The following NDUFS7 variants were observed in gnomAD, a reference collection of about 807,000 sequenced individuals.
The protein encoded by NDUFS7 is NADH:ubiquinone oxidoreductase core subunit S7.
In NDUFS7, 11 loss-of-function variants were observed where a neutral mutation model predicts 31.1. The ratio of observed to expected loss-of-function variants is 0.35; its 90% confidence interval spans 0.22 to 0.59. The LOEUF is 0.59. NDUFS7 is among the 20% of genes least tolerant of loss of function. NDUFS7 has a pLI of 0.79. For synonymous variants in NDUFS7, 136 were observed against 127.9 expected (o/e 1.06, Z -0.43); for missense variants, 263 against 324.2 (o/e 0.81, Z 1.45).
At position 1,395,154 on chromosome 19, in the gene NDUFS7, G is replaced by A. The variant is rs974497524; in HGVS notation, c.545-237G>A. ...GTCCGAGAGGTCCCTGTGACAGCCC[G>A]GGATGAGCCACGGGTGGAGGGCAGT... On this transcript the variant is annotated intron_variant, in intron 7 of 7. Coordinates refer to ENST00000233627, the MANE Select transcript of NDUFS7 (RefSeq NM_024407.5). The A allele has an allele frequency of 7.1e-6, 10 of 1,409,392 alleles. No individual in the cohort carries two copies. In the Admixed American group the frequency reaches 8.8e-5, roughly 12 times the overall value. 87.3% of individuals were successfully genotyped at this position (1,409,392 alleles called of 1,614,324 possible).
intron 1 of NDUFS7, among the ~76,000 whole-genome samples, chr19:1,385,959 G>A (rs991213273): frequency 6.6e-6 from 1 of 152,220 alleles, no homozygotes; most frequent in African/African-American, 2.4e-5. Flanking sequence ...GACACCTGGA[G>A]TGGGGCAGCT....
intron 6 of NDUFS7, among the ~76,000 whole-genome samples, chr19:1,391,486 CTTTTTTT>C (rs11287297): frequency 8.1e-6 from 1 of 122,708 alleles, no homozygotes; most frequent in Non-Finnish European, 1.7e-5. Flanking sequence ...AGTTTTTTTT[CTTTTTTT>C]TTTTTTTTTT....
In NDUFS7 at chr19:1,393,453, G is replaced by C; in HGVS notation, c.544+123G>C. ...AGACGGCGGGCTCCCCCATCCTATGGATGGGCCGACTCGGAGCGCTGCCTC... is the reference window on the plus strand; with the variant it reads ...AGACGGCGGGCTCCCCCATCCTATGCATGGGCCGACTCGGAGCGCTGCCTC... On this transcript the variant is annotated intron_variant, in intron 7 of 7. Coordinates refer to ENST00000233627, the MANE Select transcript of NDUFS7 (RefSeq NM_024407.5). The surrounding 1 kb of genome is among the most constrained non-coding windows in gnomAD (Gnocchi z 7.3). 3 of 800,956 alleles carry C rather than the reference G, an allele frequency of 3.7e-6. No homozygotes were observed. The highest frequency in any genetic ancestry group is 6.3e-6 in the Non-Finnish European group (3 of 476,316). 49.6% of individuals were successfully genotyped at this position (800,956 alleles called of 1,614,324 possible). A position where few individuals can be genotyped will look rare whatever the true frequency, so the allele number is the denominator to read the frequency against.
rs112547983 is a variant in NDUFS7 at position 1,389,007 on chromosome 19, T to C, written c.228+69T>C. 74 of 1,286,066 alleles carry C rather than the reference T, an allele frequency of 5.8e-5. 2 individuals are homozygous for C. Among genetic ancestry groups the C allele is most frequent in the African/African-American group, 5.4e-4 (37 of 68,406 alleles). The allele number at this position is 1,286,066 out of a possible 1,614,324, so 79.7% of individuals were successfully genotyped here. On this transcript the variant is annotated intron_variant, in intron 4 of 7. Coordinates refer to ENST00000233627, the MANE Select transcript of NDUFS7 (RefSeq NM_024407.5). ...CTCTGCACACTCACAGGCACACACATACACACACCAACGTGCAGACACGTA... is the reference window on the plus strand; with the variant it reads ...CTCTGCACACTCACAGGCACACACACACACACACCAACGTGCAGACACGTA...
Position 1,395,402 on chromosome 19 carries a change from A to G in NDUFS7, c.556A>G (p.Thr186Ala), listed in dbSNP as rs1019725844. The change falls in exon 8 of 8, where the codon ACG becomes GCG. Residue 186 changes from threonine to alanine, a missense_variant. Transcript: ENST00000233627. ...CAAGGTCCCTGCAGGCTGCCCACCT[A>G]CGGCCGAGGCCCTGCTCTACGGCAT... is the stretch of plus-strand genomic sequence containing the variant. Reference protein sequence around the residue: ...VDIYIPGCPPTAEALLYGILQ... With the variant: ...VDIYIPGCPPAAEALLYGILQ... The G allele has an allele frequency of 8.1e-6, 13 of 1,600,768 alleles. No individual in the cohort carries two copies. Among genetic ancestry groups the G allele is most frequent in the African/African-American group, 1.3e-5 (1 of 74,888 alleles).
intron 1 of NDUFS7, chr19:1,386,403 G>A (rs2144608206): frequency 6.6e-6 from 1 of 152,396 alleles, no homozygotes; most frequent in South Asian, 2.1e-4. Flanking sequence ...TCTTTCCTCT[G>A]TACATGTTTG....
intron 7 of NDUFS7, chr19:1,394,578 G>GCGCTCCGCCCTCCCTGCA: frequency 8.1e-7 from 1 of 1,229,414 alleles, no homozygotes; most frequent in South Asian, 1.3e-5. Context: ...CCCTCCCTGC[G>GCGCTCCGCCCTCCCTGCA]GACCGCGCTC....
chr19:1,387,130 C>CCGTATCATTAAAAA, intron 1 of NDUFS7: 6 of 154,504 alleles, frequency 3.9e-5, no homozygotes, highest in Non-Finnish European at 7.2e-5. Context: ...TTGACGTGGG[C>CCGTATCATTAAAAA]AGCGCCCTCC....
rs759056901 is a variant in NDUFS7, at chr19:1,388,603, G to A, written c.122+10G>A. 2 of 1,611,374 alleles carry A rather than the reference G, an allele frequency of 1.2e-6. No individual in the cohort carries two copies. The highest frequency in any genetic ancestry group is 1.1e-5 in the South Asian group (1 of 90,912). On this transcript the variant is annotated intron_variant, in intron 3 of 7. Coordinates refer to ENST00000233627, the MANE Select transcript of NDUFS7 (RefSeq NM_024407.5). ...CCGATGGCCCAAGCAGGTGAAGCTG[G>A]CCTTCTGGGGGAGGTCGTACCCCCT... is the stretch of plus-strand genomic sequence containing the variant.
At position 1,393,165 on chromosome 19, in the gene NDUFS7, G is replaced by GA. The variant is rs2082568740; in HGVS notation, c.456-76dup. 1 of 1,207,870 alleles carries GA rather than the reference G, an allele frequency of 8.3e-7. No homozygotes were observed. The highest frequency in any genetic ancestry group is 1.3e-5 in the South Asian group (1 of 76,582). The allele number at this position is 1,207,870 out of a possible 1,614,324, so 74.8% of individuals were successfully genotyped here. On this transcript the variant is annotated intron_variant, in intron 6 of 7. Coordinates refer to ENST00000233627, the MANE Select transcript of NDUFS7 (RefSeq NM_024407.5). This position sits in a 1 kb window ranked among gnomAD's most constrained non-coding sequence, Gnocchi z 7.3. ...TGGCCTGCAGTTGAAGGCGGGTGGG[G>GA]ATGGGGCGAGGCCTCGTGGAGGGAG...
intron 4 of NDUFS7, chr19:1,389,554 T>C (rs1413668211): frequency 2.2e-5 from 10 of 455,062 alleles, no homozygotes; most frequent in Non-Finnish European, 4.0e-5. Flanking sequence ...GGCGTCCGTG[T>C]GTTCCTCTTG....
At chr19:1,395,342 C>G (rs769925327) in intron 7 of NDUFS7, 49 bp from the exon 8 acceptor site, 25 of 1,570,450 alleles carry the variant, frequency 1.6e-5, no homozygotes, top group Non-Finnish European at 2.2e-5. Flanking sequence ...TGCACGCGGT[C>G]ACGCGGGCTC....
intron 1 of NDUFS7, 98 bp from the exon 2 acceptor site, chr19:1,387,713 T>A (rs1012812252): frequency 1.8e-6 from 2 of 1,106,924 alleles, no homozygotes; most frequent in Non-Finnish European, 2.7e-6. Context: ...GGATCAGAGC[T>A]AGGCTGTGCG....
intron 1 of NDUFS7, 77 bp from the exon 2 acceptor site, chr19:1,387,734 T>C: frequency 7.3e-7 from 1 of 1,378,250 alleles, no homozygotes; most frequent in Non-Finnish European, 1.0e-6. Flanking sequence ...GGCAGGAGCC[T>C]GATGGGGAAG....
At chr19:1,394,538 C>A (rs867105897) in intron 7 of NDUFS7, 5 of 1,234,774 alleles carry the variant, frequency 4.0e-6, no homozygotes, top group Non-Finnish European at 5.2e-6. Flanking sequence ...CTGCGGACCG[C>A]GCTCCTCCCT....
At chr19:1,389,743 TGCGACA>T in intron 4 of NDUFS7, 1 of 345,530 alleles carries the variant, frequency 2.9e-6, no homozygotes, top group South Asian at 2.2e-5. Flanking sequence ...CGGCACTTGC[TGCGACA>T]GCCCGGGTTC....
At chr19:1,389,525 T>C (rs1048179741) in intron 4 of NDUFS7, 6 of 457,108 alleles carry the variant, frequency 1.3e-5, no homozygotes. Flanking sequence ...GACCCCTCCG[T>C]TTCCGTCATT....
At chr19:1,387,997 C>A in intron 2 of NDUFS7, 150 bp downstream of exon 2, 1 of 776,616 alleles carries the variant, frequency 1.3e-6, no homozygotes, top group South Asian at 1.5e-5. Flanking sequence ...CTGCACGCTG[C>A]CCGTGATGTG....
At chr19:1,389,854 G>A (rs985547971) in intron 4 of NDUFS7, 8 of 295,320 alleles carry the variant, frequency 2.7e-5, no homozygotes, top group African/African-American at 4.4e-5. Context: ...CGCAGTGGTC[G>A]AGACAAGGAT....
Sources: allele counts gnomAD v4.1 joint callset (sites outside exome capture counted in the v4.1 genomes callset), GRCh38; gene constraint gnomAD v4.1.1; non-coding constraint Gnocchi (gnomAD v3.1); transcripts MANE v1.5; gene names NCBI Gene and HGNC (gene_info 2026-07-23, HGNC 2026-07-21).